The following SLIT3 variants were observed in gnomAD, a reference collection of about 807,000 sequenced individuals.
SLIT3 encodes the protein slit homolog 3 protein.
Under a neutral mutation model 184.0 loss-of-function variants are expected in SLIT3, and 68 were observed. That is an observed-to-expected ratio of 0.37 (90% CI 0.30 to 0.45). The LOEUF (loss-of-function observed/expected upper bound fraction) is 0.45, where lower values mean the gene tolerates loss of function less well. Among genes scored for constraint, SLIT3 ranks in the 20% least tolerant of loss-of-function variants. The probability of loss-of-function intolerance (pLI) is 1.00; values close to 1 mark genes in which losing one functional copy is unlikely to be tolerated. For missense variants in SLIT3, 1,707 were observed against 2,026.0 expected (o/e 0.84, Z 3.02); for synonymous variants, 831 against 828.6 (o/e 1.00, Z -0.05).
intron 3 of SLIT3, among the ~76,000 whole-genome samples, chr5:169,238,255 C>T (rs1047386782): frequency 6.6e-6 from 1 of 152,096 alleles, no homozygotes; most frequent in Non-Finnish European, 1.5e-5. Context: ...TCAAATCCTA[C>T]ATTTCTCTTA....
intron 5 of SLIT3, among the ~76,000 whole-genome samples, chr5:168,870,208 C>G (rs534282217): frequency 1.3e-5 from 2 of 152,238 alleles, no homozygotes; most frequent in Non-Finnish European, 2.9e-5. Context: ...ATGACTGGCT[C>G]ACGATGTCTT....
At chr5:169,056,552 T>C (rs906763891) in intron 4 of SLIT3, among the ~76,000 whole-genome samples, 1 of 151,884 alleles carries the variant, frequency 6.6e-6, no homozygotes, top group African/African-American at 2.4e-5. Flanking sequence ...GTGCTTATAA[T>C]GGATCGTTGG....
intron 32 of SLIT3, among the ~76,000 whole-genome samples, chr5:168,678,992 A>G (rs1278075091): frequency 1.3e-5 from 2 of 152,192 alleles, no homozygotes; most frequent in Non-Finnish European, 2.9e-5. Context: ...GTGGGGCTGG[A>G]CGCATCCTGC....
At chr5:168,672,767 C>G (rs1761293002) in intron 33 of SLIT3, among the ~76,000 whole-genome samples, 1 of 152,222 alleles carries the variant, frequency 6.6e-6, no homozygotes, top group African/African-American at 2.4e-5. Flanking sequence ...AGCCACTGCA[C>G]CTGGCCTACT....
intron 4 of SLIT3, among the ~76,000 whole-genome samples, chr5:168,922,474 A>AG (rs1761670262): frequency 6.6e-6 from 1 of 151,576 alleles, no homozygotes; most frequent in Non-Finnish European, 1.5e-5. Context: ...AAAAAAAAAA[A>AG]AAGAAGTGGA....
chr5:169,214,511 G>A (rs920442368), intron 3 of SLIT3, among the ~76,000 whole-genome samples: 2 of 152,206 alleles, frequency 1.3e-5, no homozygotes, highest in African/African-American at 4.8e-5. Context: ...CTCTGGAGAG[G>A]CAAATAAAGT....
At position 169,111,929 on chromosome 5, in the gene SLIT3, T is replaced by G. The variant is rs553726449; in HGVS notation, c.413+81550A>C. Among the ~76,000 whole-genome samples the G allele has an allele frequency of 2.6e-5, 4 of 152,302 alleles. No homozygotes were observed. In the East Asian group the frequency reaches 7.7e-4, roughly 29 times the overall value. On this transcript the variant is annotated intron_variant, in intron 4 of 35. Transcript: ENST00000519560. ...TCCTCTGCATCTTGGGTCTTCCCTA[T>G]GTCTAGTTTAGAGTAGACTTCAGCC...
At chr5:168,851,133 C>T (rs1758656547) in intron 5 of SLIT3, among the ~76,000 whole-genome samples, 1 of 152,042 alleles carries the variant, frequency 6.6e-6, no homozygotes, top group African/African-American at 2.4e-5. Context: ...ACCATCCTGG[C>T]TCACACGGTG....
intron 4 of SLIT3, among the ~76,000 whole-genome samples, chr5:169,076,896 C>A (rs1758763776): frequency 6.6e-6 from 1 of 152,042 alleles, no homozygotes; most frequent in South Asian, 2.1e-4. Context: ...TAAAAATATG[C>A]CCCAATTTTA....
At position 169,142,080 on chromosome 5, in the gene SLIT3, A is replaced by AAAATAAAT. The variant is rs765749214; in HGVS notation, c.413+51391_413+51398dup. On this transcript the variant is annotated intron_variant, in intron 4 of 35. Transcript: ENST00000519560. ...AAAAATAAAAATAAAAATAAAAATA[A>AAAATAAAT]AAATAAATAAATAAATAAATAAATA... 6.4e-3 allele frequency among the ~76,000 whole-genome samples: 275 copies of AAAATAAAT among 42,766 alleles called. 1 individual carries two copies. Among genetic ancestry groups the AAAATAAAT allele is most frequent in the South Asian group, 0.011 (18 of 1,690 alleles). 28.1% of individuals were successfully genotyped at this position (42,766 alleles called of 152,430 possible).
intron 11 of SLIT3, among the ~76,000 whole-genome samples, chr5:168,788,118 T>C (rs1756224765): frequency 6.6e-6 from 1 of 151,942 alleles, no homozygotes; most frequent in Non-Finnish European, 1.5e-5. Context: ...GCCCTCAGAC[T>C]GTCTCCAAAT....
chr5:168,793,659 T>G (rs1343504232), intron 10 of SLIT3, among the ~76,000 whole-genome samples: 1 of 152,210 alleles, frequency 6.6e-6, no homozygotes, highest in African/African-American at 2.4e-5. Flanking sequence ...AGTCAAGCTT[T>G]AAATTACCTG....
intron 3 of SLIT3, among the ~76,000 whole-genome samples, chr5:169,228,124 T>C (rs557607640): frequency 7.9e-5 from 12 of 152,242 alleles, no homozygotes; most frequent in Non-Finnish European, 1.6e-4. Flanking sequence ...TACAGTTCTC[T>C]GGTGTGTACA....
At chr5:169,189,349 A>G (rs534251254) in intron 4 of SLIT3, among the ~76,000 whole-genome samples, 2 of 151,994 alleles carry the variant, frequency 1.3e-5, no homozygotes, top group South Asian at 4.2e-4. Flanking sequence ...CTTGGCAGAG[A>G]CACAGATGTG....
At chr5:169,296,686 T>C (rs1292459690) in intron 1 of SLIT3, among the ~76,000 whole-genome samples, 9 of 152,196 alleles carry the variant, frequency 5.9e-5, no homozygotes, top group South Asian at 4.1e-4. Context: ...TCAGTTTTTA[T>C]TGGGCCCAAC....
At chr5:168,754,519 G>A (rs2113477028) in intron 16 of SLIT3, among the ~76,000 whole-genome samples, 1 of 152,266 alleles carries the variant, frequency 6.6e-6, no homozygotes, top group South Asian at 2.1e-4. Context: ...GTTGGTTAAT[G>A]GGGGAGCTAA....
In SLIT3 at chr5:168,673,345, A is replaced by T. The variant is rs1761311011; in HGVS notation, c.3687-14T>A. The T allele has an allele frequency of 6.2e-7, 1 of 1,613,552 alleles. No individual in the cohort carries two copies. The highest frequency in any genetic ancestry group is 1.3e-5 in the African/African-American group (1 of 74,918). ...ACTGTCTCCACACTGGCCAGTAGAG[A>T]AGGGGAGAAAGCCGGAGAGTTCACT... is the stretch of plus-strand genomic sequence containing the variant. On this transcript the variant is annotated splice_polypyrimidine_tract_variant and intron_variant, in intron 32 of 35. Coordinates refer to ENST00000519560, the MANE Select transcript of SLIT3 (RefSeq NM_003062.4).
intron 4 of SLIT3, among the ~76,000 whole-genome samples, chr5:168,892,450 G>A (rs1247533977): frequency 1.3e-5 from 2 of 152,224 alleles, no homozygotes; most frequent in Non-Finnish European, 2.9e-5. Flanking sequence ...GAGGGAAAAA[G>A]TCTTCAGATG....
intron 32 of SLIT3, among the ~76,000 whole-genome samples, chr5:168,679,692 C>T (rs1761522861): frequency 6.6e-6 from 1 of 152,142 alleles, no homozygotes. Context: ...GGGTAGGCAG[C>T]AAGCGGAGAC....
Sources: allele counts gnomAD v4.1 joint callset (sites outside exome capture counted in the v4.1 genomes callset), GRCh38; gene constraint gnomAD v4.1.1; transcripts MANE v1.5; gene names NCBI Gene and HGNC (gene_info 2026-07-23, HGNC 2026-07-21).